Variants in ZSWIM5 observed in about 807,000 individuals in gnomAD.
ZSWIM5 encodes zinc finger SWIM domain-containing protein 5.
Under a neutral mutation model 119.6 loss-of-function variants are expected in ZSWIM5, and 55 were observed. The ratio of observed to expected loss-of-function variants is 0.46; its 90% confidence interval spans 0.37 to 0.58. The LOEUF is 0.58. Ranked by LOEUF, ZSWIM5 falls within the 20% of genes least tolerant of loss-of-function variation. The probability of loss-of-function intolerance (pLI) is 0.00; values close to 1 mark genes in which losing one functional copy is unlikely to be tolerated. For synonymous variants in ZSWIM5, 537 were observed against 606.9 expected, an observed-to-expected ratio of 0.88 and a Z score of 1.69; for missense variants, 1,193 against 1,512.8, an observed-to-expected ratio of 0.79 and a Z score of 3.51.
At chr1:45,066,269 A>G (rs775495400) in intron 2 of ZSWIM5, among the ~76,000 whole-genome samples, 3 of 151,946 alleles carry the variant, frequency 2.0e-5, no homozygotes, top group Non-Finnish European at 4.4e-5. Flanking sequence ...TTTCTAAGAC[A>G]TTTTCATTTA....
chr1:45,027,738 G>T (rs1569989978), intron 11 of ZSWIM5, among the ~76,000 whole-genome samples: 2 of 152,168 alleles, frequency 1.3e-5, no homozygotes, highest in African/African-American at 4.8e-5. Flanking sequence ...GAGTGCAGTG[G>T]TGTGATCATG....
intron 1 of ZSWIM5, among the ~76,000 whole-genome samples, chr1:45,183,863 A>G (rs1196568397): frequency 6.6e-6 from 1 of 152,218 alleles, no homozygotes; most frequent in Non-Finnish European, 1.5e-5. Flanking sequence ...TATTCCAATC[A>G]ATAGAAAAAG....
At chr1:45,186,436 C>A (rs1646059267) in intron 1 of ZSWIM5, among the ~76,000 whole-genome samples, 2 of 150,764 alleles carry the variant, frequency 1.3e-5, no homozygotes, top group Admixed American at 6.6e-5. Flanking sequence ...AATAAAATCC[C>A]TTGAACCTCA....
chr1:45,175,931 AC>A (rs1645977996), intron 1 of ZSWIM5, among the ~76,000 whole-genome samples: 1 of 150,908 alleles, frequency 6.6e-6, no homozygotes, highest in African/African-American at 2.4e-5. Flanking sequence ...TTCTTTAAGA[AC>A]CTCCCTGCTT....
intron 1 of ZSWIM5, among the ~76,000 whole-genome samples, chr1:45,204,298 T>G (rs1175824601): frequency 6.6e-6 from 1 of 152,142 alleles, no homozygotes; most frequent in African/African-American, 2.4e-5. Flanking sequence ...AAATTAAAAT[T>G]TACAGACTAA....
chr1:45,058,556 G>A, intron 4 of ZSWIM5, 53 bp downstream of exon 4: 2 of 1,605,248 alleles, frequency 1.2e-6, no homozygotes, highest in Non-Finnish European at 1.7e-6. Flanking sequence ...AAACACTGTT[G>A]CCACAGGGCA....
At position 45,019,335 on chromosome 1, in the gene ZSWIM5, G is replaced by T; in HGVS notation, c.2696-19C>A. ...CGCACACCTGTCAGGGGGAGCCTGAGCTCAGCCGTGGCCATCTGGGTCCTG... is the reference window on the plus strand; with the variant it reads ...CGCACACCTGTCAGGGGGAGCCTGATCTCAGCCGTGGCCATCTGGGTCCTG... On this transcript the variant is annotated intron_variant, in intron 13 of 13. Coordinates refer to ENST00000359600, the MANE Select transcript of ZSWIM5 (RefSeq NM_020883.2). This position sits in a 1 kb window ranked among gnomAD's most constrained non-coding sequence, Gnocchi z 5.0. 1 of 1,596,940 alleles carries T rather than the reference G, an allele frequency of 6.3e-7. No individual in the cohort carries two copies. The highest frequency in any genetic ancestry group is 8.5e-7 in the Non-Finnish European group (1 of 1,173,746).
rs1384806471 is a variant in ZSWIM5, at chr1:45,176,306, C to T, written c.595+29450G>A. 2.6e-5 allele frequency among the ~76,000 whole-genome samples: 4 copies of T among 151,968 alleles called. No homozygotes were observed. The East Asian group carries it at 7.7e-4, about 29-fold the overall frequency. ...TTCAGACGGAGTCTTGCTTGTTGCC[C>T]AGGCTGGAGTGCTATGGCACAATCT... On this transcript the variant is annotated intron_variant, in intron 1 of 13. Coordinates refer to ENST00000359600, the MANE Select transcript of ZSWIM5 (RefSeq NM_020883.2).
At chr1:45,181,164 G>A (rs1646016425) in intron 1 of ZSWIM5, among the ~76,000 whole-genome samples, 1 of 151,994 alleles carries the variant, frequency 6.6e-6, no homozygotes, top group African/African-American at 2.4e-5. Context: ...CAAACCAAAG[G>A]CAAAGAAGTT....
intron 2 of ZSWIM5, among the ~76,000 whole-genome samples, chr1:45,074,202 G>C (rs1371981891): frequency 3.3e-5 from 5 of 151,738 alleles, no homozygotes. Context: ...TTATTTTTTT[G>C]ATATGTCTTT....
At chr1:45,023,431 C>A (rs2148987093) in intron 11 of ZSWIM5, among the ~76,000 whole-genome samples, 1 of 150,698 alleles carries the variant, frequency 6.6e-6, no homozygotes, top group Admixed American at 6.6e-5. Flanking sequence ...TTACAACATG[C>A]AATACGCATT....
At chr1:45,039,595 G>C (rs1570009170) in intron 7 of ZSWIM5, among the ~76,000 whole-genome samples, 1 of 152,302 alleles carries the variant, frequency 6.6e-6, no homozygotes, top group East Asian at 1.9e-4. Context: ...ATGTTGGCCA[G>C]GCTGGTCTTG....
chr1:45,087,518 C>T (rs1460511373), intron 2 of ZSWIM5, among the ~76,000 whole-genome samples: 1 of 152,228 alleles, frequency 6.6e-6, no homozygotes, highest in African/African-American at 2.4e-5. Context: ...TCATATCCAT[C>T]TCAATTCACT....
At chr1:45,149,375 T>C (rs532928928) in intron 1 of ZSWIM5, among the ~76,000 whole-genome samples, 3 of 152,352 alleles carry the variant, frequency 2.0e-5, no homozygotes, top group South Asian at 2.1e-4. Context: ...GGCTTCATGA[T>C]AAATGTCATC....
At chr1:45,201,194 T>A (rs1460882400) in intron 1 of ZSWIM5, among the ~76,000 whole-genome samples, 2 of 152,146 alleles carry the variant, frequency 1.3e-5, no homozygotes, top group Non-Finnish European at 2.9e-5. Context: ...CAACAAAGGA[T>A]TCCCCTGTAG....
In ZSWIM5 at chr1:45,016,448, A is replaced by T. The variant is rs1285023225; in HGVS notation, c.*2006T>A. 1 of 152,220 alleles carries T rather than the reference A, an allele frequency of 6.6e-6. No individual in the cohort carries two copies. The highest frequency in any genetic ancestry group is 1.5e-5 in the Non-Finnish European group (1 of 68,036). The allele number at this position is 152,220 out of a possible 1,614,324, so 9.4% of individuals were successfully genotyped here. On this transcript the variant is annotated 3_prime_UTR_variant, in exon 14 of 14. Coordinates refer to ENST00000359600, the MANE Select transcript of ZSWIM5 (RefSeq NM_020883.2). ...TGTGATCCATGATTTATTCATAGAA[A>T]AGCACTGTGAATTCACACACTTGCT... is the stretch of plus-strand genomic sequence containing the variant.
intron 1 of ZSWIM5, among the ~76,000 whole-genome samples, chr1:45,183,576 G>A (rs1366934991): frequency 2.0e-5 from 3 of 152,138 alleles, no homozygotes; most frequent in Admixed American, 6.5e-5. Flanking sequence ...TATCATCACC[G>A]ATCCCACAGA....
chr1:45,066,792 T>C (rs1205874658), intron 2 of ZSWIM5, among the ~76,000 whole-genome samples: 1 of 152,118 alleles, frequency 6.6e-6, no homozygotes, highest in African/African-American at 2.4e-5. Context: ...ATAGTGGAAA[T>C]TGAAAGATCA....
At chr1:45,185,445 C>G (rs1309774304) in intron 1 of ZSWIM5, among the ~76,000 whole-genome samples, 2 of 151,762 alleles carry the variant, frequency 1.3e-5, no homozygotes, top group South Asian at 4.2e-4. Flanking sequence ...AAAGAAACTA[C>G]GATCAGAGTG....
Sources: gnomAD v4.1 joint callset for allele counts (sites outside exome capture counted in the v4.1 genomes callset) on GRCh38, gnomAD v4.1.1 for gene constraint, Gnocchi (gnomAD v3.1) non-coding constraint, MANE v1.5 for transcripts, NCBI Gene and HGNC (gene_info 2026-07-23, HGNC 2026-07-21) for gene names.